The following SWT1 variants were observed in gnomAD, a reference collection of about 807,000 sequenced individuals.
SWT1 encodes the protein SWT1 RNA endoribonuclease homolog, also known as transcriptional protein SWT1.
Under a neutral mutation model 107.3 loss-of-function variants are expected in SWT1, and 33 were observed. That is an observed-to-expected ratio of 0.31 (90% CI 0.23 to 0.41). The LOEUF is 0.41. SWT1 is among the 10% of genes least tolerant of loss of function. SWT1 has a pLI of 1.00. For synonymous variants in SWT1, 345 were observed against 348.3 expected (o/e 0.99, Z 0.11); for missense variants, 898 against 1,028.9 (o/e 0.87, Z 1.74).
At chr1:185,161,716 A>T (rs191650391) in intron 2 of SWT1, among the ~76,000 whole-genome samples, 1 of 152,150 alleles carries the variant, frequency 6.6e-6, no homozygotes, top group African/African-American at 2.4e-5. Context: ...AGAAAAAAAG[A>T]AGTAGTGTTT....
chr1:185,207,228 C>A (rs533217642), intron 13 of SWT1, among the ~76,000 whole-genome samples: 1 of 152,178 alleles, frequency 6.6e-6, no homozygotes, highest in South Asian at 2.1e-4. Context: ...GAACAGGAAA[C>A]CTTTGGCTTT....
intron 16 of SWT1, among the ~76,000 whole-genome samples, chr1:185,250,954 C>CG (rs1558074802): frequency 6.6e-6 from 1 of 152,178 alleles, no homozygotes; most frequent in Non-Finnish European, 1.5e-5. Flanking sequence ...TGAGCCACTG[C>CG]ACCCGGCCTG....
chr1:185,191,722 T>C (rs1460943336), intron 10 of SWT1, among the ~76,000 whole-genome samples: 2 of 152,206 alleles, frequency 1.3e-5, no homozygotes, highest in African/African-American at 4.8e-5. Context: ...ATAAATCATT[T>C]TGAATTTGAG....
At chr1:185,220,938 G>A (rs1423366389) in intron 14 of SWT1, among the ~76,000 whole-genome samples, 1 of 152,138 alleles carries the variant, frequency 6.6e-6, no homozygotes, top group East Asian at 1.9e-4. Flanking sequence ...TATGTGAGAC[G>A]TATTGCTTCC....
intron 18 of SWT1, among the ~76,000 whole-genome samples, chr1:185,282,995 A>G (rs1276367724): frequency 2.6e-5 from 4 of 152,156 alleles, no homozygotes; most frequent in African/African-American, 9.7e-5. Context: ...ATATTTACCC[A>G]TTTATTATGA....
Position 185,290,926 on chromosome 1 carries a change from A to G in SWT1, c.*123A>G. 2.7e-6 allele frequency: 2 copies of G among 748,584 alleles called. 1 individual carries two copies. The highest frequency in any genetic ancestry group is 4.7e-5 in the South Asian group (2 of 42,336). The allele number at this position is 748,584 out of a possible 1,614,324, so 46.4% of individuals were successfully genotyped here. A position where few individuals can be genotyped will look rare whatever the true frequency, so the allele number is the denominator to read the frequency against. ...TTAAGAAATGTTTCATAGGTATAAA[A>G]AGGTGATCGCCTATTACTGACAGTC... On this transcript the variant is annotated 3_prime_UTR_variant, in exon 19 of 19. Transcript: ENST00000367500.
chr1:185,190,089 C>G (rs1656825548), intron 9 of SWT1, among the ~76,000 whole-genome samples: 1 of 152,190 alleles, frequency 6.6e-6, no homozygotes, highest in Admixed American at 6.5e-5. Context: ...CTCAAGTGAT[C>G]TGCACACCTC....
At chr1:185,281,021 A>G in intron 18 of SWT1, 1 of 326,026 alleles carries the variant, frequency 3.1e-6, no homozygotes, top group Admixed American at 3.5e-5. Context: ...TTTTATGATG[A>G]TGACTAAGTC....
At chr1:185,194,518 G>T (rs376824431) in intron 10 of SWT1, among the ~76,000 whole-genome samples, 12 of 151,404 alleles carry the variant, frequency 7.9e-5, no homozygotes, top group East Asian at 7.8e-4. Context: ...TGCTTCACAG[G>T]TACCATAAGG....
chr1:185,229,337 T>C (rs1349430021), intron 15 of SWT1, among the ~76,000 whole-genome samples: 1 of 152,112 alleles, frequency 6.6e-6, no homozygotes, highest in East Asian at 1.9e-4. Flanking sequence ...AAAATAGTAG[T>C]ACCCACAGCA....
chr1:185,229,628 C>T (rs534365882), intron 15 of SWT1, among the ~76,000 whole-genome samples: 4 of 151,956 alleles, frequency 2.6e-5, no homozygotes, highest in Admixed American at 6.6e-5. Flanking sequence ...CCTAGCCACT[C>T]TCTCACAACC....
At chr1:185,204,544 T>C in intron 11 of SWT1, among the ~76,000 whole-genome samples, 156 bp from the exon 12 acceptor site, 1 of 152,060 alleles carries the variant, frequency 6.6e-6, no homozygotes, top group South Asian at 2.1e-4. Flanking sequence ...TAGAGATACA[T>C]GTTTCTAAAT....
At position 185,184,733 on chromosome 1, in the gene SWT1, T is replaced by A; in HGVS notation, c.1241-10T>A. 6.3e-7 allele frequency: 1 copy of A among 1,597,678 alleles called. No individual in the cohort carries two copies. Among genetic ancestry groups the A allele is most frequent in the Non-Finnish European group, 8.5e-7 (1 of 1,171,724 alleles). The stretch of plus-strand genomic sequence containing the variant: ...TTTGTTAAATTCTAAGAAATCTTTT[T>A]ATTTTTTAGGTTTTGACAAACTTGT... On this transcript the variant is annotated splice_polypyrimidine_tract_variant and intron_variant, in intron 8 of 18. Transcript: ENST00000367500.
chr1:185,288,357 A>G (rs1194831092), intron 18 of SWT1, among the ~76,000 whole-genome samples: 1 of 152,138 alleles, frequency 6.6e-6, no homozygotes, highest in Non-Finnish European at 1.5e-5. Context: ...AGGATTACAG[A>G]TGTGAGCCAC....
chr1:185,171,020 C>A (rs1215162734), intron 4 of SWT1, among the ~76,000 whole-genome samples: 1 of 152,176 alleles, frequency 6.6e-6, no homozygotes, highest in Non-Finnish European at 1.5e-5. Context: ...TTGACAGTCA[C>A]ACTTTTTAAA....
chr1:185,263,636 A>G (rs1663182707), intron 16 of SWT1: 1 of 152,222 alleles, frequency 6.6e-6, no homozygotes, highest in Non-Finnish European at 1.5e-5. Flanking sequence ...TGGATTTTTG[A>G]TAACACAAGC....
chr1:185,242,442 C>T (rs1661312563), intron 16 of SWT1, among the ~76,000 whole-genome samples: 1 of 151,938 alleles, frequency 6.6e-6, no homozygotes, highest in Non-Finnish European at 1.5e-5. Flanking sequence ...CTGTGTTTCC[C>T]AGCATTTGTC....
At chr1:185,225,481 A>ATTGGTATTAATT (rs1358953475) in intron 15 of SWT1, among the ~76,000 whole-genome samples, 5 of 152,174 alleles carry the variant, frequency 3.3e-5, no homozygotes, top group Admixed American at 6.5e-5. Context: ...TTTGAGGAAA[A>ATTGGTATTAATT]TTGGTATTAA....
intron 17 of SWT1, among the ~76,000 whole-genome samples, chr1:185,273,471 G>A (rs1233891248): frequency 6.6e-6 from 1 of 151,976 alleles, no homozygotes; most frequent in Admixed American, 6.6e-5. Context: ...GGGAGGCTGA[G>A]GCAGGCGGAT....
Sources: allele counts gnomAD v4.1 joint callset (sites outside exome capture counted in the v4.1 genomes callset), GRCh38; gene constraint gnomAD v4.1.1; transcripts MANE v1.5; gene names NCBI Gene and HGNC (gene_info 2026-07-23, HGNC 2026-07-21).